Variants in C18orf54 observed in about 807,000 individuals in gnomAD.
The protein encoded by C18orf54 is lung adenoma susceptibility protein 2.
C18orf54 carries 49 observed loss-of-function variants against 49.3 expected under a neutral mutation model. The observed-to-expected ratio is 0.99, with a 90% CI of 0.79 to 1.26. The LOEUF is 1.26. Among genes scored for constraint, C18orf54 ranks in the 50% most tolerant of loss-of-function variants. The pLI, the probability that C18orf54 is intolerant of heterozygous loss-of-function variation, is 0.00. For missense variants in C18orf54, 687 were observed against 620.6 expected, an observed-to-expected ratio of 1.11 and a Z score of -1.14; for synonymous variants, 211 against 216.6, an observed-to-expected ratio of 0.97 and a Z score of 0.23.
chr18:54,369,543 C>T (rs752179660), intron 6 of C18orf54, among the ~76,000 whole-genome samples: 8 of 142,970 alleles, frequency 5.6e-5, no homozygotes, highest in Non-Finnish European at 1.2e-4. Flanking sequence ...AATCTCTACT[C>T]ACTGCAACTT....
At position 54,372,487 on chromosome 18, in the gene C18orf54, A is replaced by G; in HGVS notation, c.1348A>G (p.Lys450Glu). Reference sequence around the variant, plus strand: ...TTAGAGCTGTACTCTCTCTGGAGGCAAACATCATGGTCCTGTTGAAGCCCT... The same window carrying G: ...TTAGAGCTGTACTCTCTCTGGAGGCGAACATCATGGTCCTGTTGAAGCCCT... The part of the protein sequence containing the change: ...DNQSCTLSGG[K>E]HHGPVEALKQ... The change falls in exon 7 of 9, where the codon AAA becomes GAA. Residue 450 changes from lysine to glutamate, a missense_variant. Transcript: ENST00000620105. 1 of 1,609,442 alleles carries G rather than the reference A, an allele frequency of 6.2e-7. No homozygotes were observed. The highest frequency in any genetic ancestry group is 8.5e-7 in the Non-Finnish European group (1 of 1,177,418).
In C18orf54 at chr18:54,362,631, A is replaced by G. The variant is rs1599328341; in HGVS notation, c.1073-140A>G. On this transcript the variant is annotated intron_variant, in intron 4 of 8. Coordinates refer to ENST00000620105, the MANE Select transcript of C18orf54 (RefSeq NM_001288980.2). ...TCTCCCATTTTTTTCTTTGCTTGAA[A>G]TGTCACATTTTAACATAATTTGCTG... 8.6e-6 allele frequency: 8 copies of G among 930,316 alleles called. No homozygotes were observed. In the East Asian group the frequency reaches 2.2e-4, roughly 26 times the overall value. The allele number at this position is 930,316 out of a possible 1,614,324, so 57.6% of individuals were successfully genotyped here. A position where few individuals can be genotyped will look rare whatever the true frequency, so the allele number is the denominator to read the frequency against.
chr18:54,373,691 T>C (rs572468089), intron 7 of C18orf54, among the ~76,000 whole-genome samples: 2 of 151,966 alleles, frequency 1.3e-5, no homozygotes, highest in East Asian at 1.9e-4. Flanking sequence ...CTATATAAAG[T>C]ACTTAGTATA....
Position 54,365,825 on chromosome 18 carries a change from G to A in C18orf54, c.1326+4G>A, listed in dbSNP as rs1255759883. 2 of 1,524,598 alleles carry A rather than the reference G, an allele frequency of 1.3e-6. No individual in the cohort carries two copies. The highest frequency in any genetic ancestry group is 1.3e-5 in the South Asian group (1 of 79,596). The allele number at this position is 1,524,598 out of a possible 1,614,324, so 94.4% of individuals were successfully genotyped here. On this transcript the variant is annotated splice_donor_region_variant and intron_variant, in intron 6 of 8. Transcript: ENST00000620105. Reference sequence around the variant, plus strand: ...CTTTCTAAATAATGATAATCAGGTGGGTGAAATTAAAAGTTTTAAAACTTA... The same window carrying A: ...CTTTCTAAATAATGATAATCAGGTGAGTGAAATTAAAAGTTTTAAAACTTA...
intron 1 of C18orf54, among the ~76,000 whole-genome samples, 179 bp downstream of exon 1, chr18:54,358,254 C>T (rs1230445803): frequency 2.0e-5 from 3 of 152,022 alleles, no homozygotes; most frequent in Non-Finnish European, 4.4e-5. Flanking sequence ...CTTGTGGAGT[C>T]TCTGTGGAAG....
At position 54,374,069 on chromosome 18, in the gene C18orf54, T is replaced by G. The variant is rs181269992; in HGVS notation, c.1459-145T>G. 1.3e-4 allele frequency: 98 copies of G among 778,380 alleles called. No individual in the cohort carries two copies. In the Admixed American group the frequency reaches 1.8e-3, roughly 14 times the overall value. The allele number at this position is 778,380 out of a possible 1,614,324, so 48.2% of individuals were successfully genotyped here. A position where few individuals can be genotyped will look rare whatever the true frequency, so the allele number is the denominator to read the frequency against. ...TAGTGTTTTTACAGTAAATGGAAAA[T>G]AAAAATATTTAATACTCTTGAAAAT... is the stretch of plus-strand genomic sequence containing the variant. On this transcript the variant is annotated intron_variant, in intron 7 of 8. Coordinates refer to ENST00000620105, the MANE Select transcript of C18orf54 (RefSeq NM_001288980.2).
chr18:54,359,913 C>T (rs2089228668), intron 2 of C18orf54, among the ~76,000 whole-genome samples: 1 of 152,068 alleles, frequency 6.6e-6, no homozygotes, highest in African/African-American at 2.4e-5. Context: ...GTACCAAAAA[C>T]GAAGGTCAGG....
chr18:54,361,632 T>G lies in C18orf54; in HGVS notation c.284-11T>G. The G allele has an allele frequency of 6.4e-7, 1 of 1,569,690 alleles. No individual in the cohort carries two copies. The highest frequency in any genetic ancestry group is 1.2e-5 in the South Asian group (1 of 83,716). ...TGTATGTAATAAACAAAACTGTTCTTCGTTTTTCAGCTTTTGAAAACCTTG... is the reference window on the plus strand; with the variant it reads ...TGTATGTAATAAACAAAACTGTTCTGCGTTTTTCAGCTTTTGAAAACCTTG... On this transcript the variant is annotated splice_polypyrimidine_tract_variant and intron_variant, in intron 3 of 8. Transcript: ENST00000620105.
intron 7 of C18orf54, among the ~76,000 whole-genome samples, chr18:54,373,539 T>C (rs2089523831): frequency 6.6e-6 from 1 of 151,886 alleles, no homozygotes; most frequent in Admixed American, 6.5e-5. Flanking sequence ...GAAAAACATC[T>C]CTGCAACTCC....
At chr18:54,360,478 GTA>G (rs2089242571) in intron 2 of C18orf54, 47 bp from the exon 3 acceptor site, 3 of 1,248,972 alleles carry the variant, frequency 2.4e-6, no homozygotes, top group African/African-American at 3.0e-5. Flanking sequence ...TTTTGTTTGT[GTA>G]TGGTCACTTT....
At chr18:54,360,879 T>A in intron 3 of C18orf54, 24 bp downstream of exon 3, 1 of 1,590,614 alleles carries the variant, frequency 6.3e-7, no homozygotes, top group Non-Finnish European at 8.6e-7. Context: ...CTTTGTTTTC[T>A]TTGTGTTCAG....
Position 54,378,242 on chromosome 18 carries a change from T to C in C18orf54, c.1598T>C (p.Met533Thr), listed in dbSNP as rs2089609442. Residue 533 changes from methionine to threonine, a missense_variant, in exon 9 of 9, where the codon ATG becomes ACG. By Grantham distance (81) the Met-to-Thr change is moderately conservative. Transcript: ENST00000620105. ...DDTNGERSPK[M>T] ...ACGAATGGAGAACGGTCACCGAAAATGTGAAGAGGAAAATGAAACTGTCAC... is the reference window on the plus strand; with the variant it reads ...ACGAATGGAGAACGGTCACCGAAAACGTGAAGAGGAAAATGAAACTGTCAC... The C allele has an allele frequency of 6.2e-7, 1 of 1,612,580 alleles. No homozygotes were observed. Among genetic ancestry groups the C allele is most frequent in the African/African-American group, 1.3e-5 (1 of 74,848 alleles).
At chr18:54,359,152 C>T (rs2089209710) in intron 2 of C18orf54, among the ~76,000 whole-genome samples, 1 of 152,226 alleles carries the variant, frequency 6.6e-6, no homozygotes, top group Admixed American at 6.5e-5. Flanking sequence ...TTATCACCCA[C>T]TTACGGAGAC....
chr18:54,381,089 C>G lies in C18orf54; in HGVS notation c.*2843C>G, dbSNP rs1262343976. The G allele has an allele frequency of 2.0e-5, 3 of 152,052 alleles. No individual in the cohort carries two copies. The highest frequency in any genetic ancestry group is 7.2e-5 in the African/African-American group (3 of 41,404). 9.4% of individuals were successfully genotyped at this position (152,052 alleles called of 1,614,324 possible). Reference sequence around the variant, plus strand: ...TTAAATGTTGCGTTGGATTGCAGTGCCTATCATACAGTGATTGGAGTAAAT... The same window carrying G: ...TTAAATGTTGCGTTGGATTGCAGTGGCTATCATACAGTGATTGGAGTAAAT... On this transcript the variant is annotated 3_prime_UTR_variant, in exon 9 of 9. Coordinates refer to ENST00000620105, the MANE Select transcript of C18orf54 (RefSeq NM_001288980.2).
chr18:54,370,276 CAA>C (rs35888839), intron 6 of C18orf54, among the ~76,000 whole-genome samples: 25 of 87,314 alleles, frequency 2.9e-4, no homozygotes, highest in Admixed American at 3.7e-4. Context: ...GACTCTGTCT[CAA>C]AAAAAAAAAA....
Position 54,365,719 on chromosome 18 carries a change from C to T in C18orf54, c.1224C>T (p.Phe408=). The change falls in exon 6 of 9, where the codon TTC becomes TTT. Residue 408 remains phenylalanine (F), a splice_region_variant and synonymous_variant. Transcript: ENST00000620105. ...CTTGCATCCTTTAAATCCTGTTTAG[C>T]AAATCTCCTGTTCCCGTTAACTCTG... ...DRSWENIPVT[F]KSPVPVNSDD... is the part of the protein sequence containing the mutation. 1 of 1,571,290 alleles carries T rather than the reference C, an allele frequency of 6.4e-7. No homozygotes were observed. Among genetic ancestry groups the T allele is most frequent in the Admixed American group, 1.7e-5 (1 of 59,386 alleles).
At chr18:54,374,631 A>C (rs1245360067) in intron 8 of C18orf54, among the ~76,000 whole-genome samples, 2 of 151,884 alleles carry the variant, frequency 1.3e-5, no homozygotes, top group African/African-American at 4.8e-5. Context: ...TCTAGAATAA[A>C]TTTAATAATA....
chr18:54,358,344 C>T (rs1046074440), intron 1 of C18orf54, among the ~76,000 whole-genome samples: 2 of 152,206 alleles, frequency 1.3e-5, no homozygotes, highest in African/African-American at 4.8e-5. Context: ...CGGGCGTCTG[C>T]GGACCTGAGG....
intron 6 of C18orf54, among the ~76,000 whole-genome samples, chr18:54,370,947 T>C (rs902635787): frequency 4.6e-5 from 7 of 152,132 alleles, no homozygotes; most frequent in Non-Finnish European, 1.0e-4. Flanking sequence ...ACCCTGTTTT[T>C]TTTTTTTTCT....
Sources: allele counts gnomAD v4.1 joint callset (sites outside exome capture counted in the v4.1 genomes callset), GRCh38; gene constraint gnomAD v4.1.1; transcripts MANE v1.5; gene names NCBI Gene and HGNC (gene_info 2026-07-23, HGNC 2026-07-21).